SMYD3: variants seen among roughly 807,000 people sequenced by gnomAD.
SMYD3 encodes SET and MYND domain containing 3.
SMYD3 carries 36 observed loss-of-function variants against 57.7 expected under a neutral mutation model. That is an observed-to-expected ratio of 0.62 (90% CI 0.48 to 0.82). SMYD3 has a LOEUF of 0.82. Ranked by LOEUF, SMYD3 falls within the 40% of genes least tolerant of loss-of-function variation. The pLI is 0.00. For missense variants in SMYD3, 515 were observed against 538.8 expected (o/e 0.96, Z 0.44); for synonymous variants, 211 against 195.0 (o/e 1.08, Z -0.68).
chr1:246,483,735 CA>C (rs2068144615), intron 1 of SMYD3: 1 of 152,084 alleles, frequency 6.6e-6, no homozygotes, highest in African/African-American at 2.4e-5. Context: ...AAAAAATGAC[CA>C]GCAATGAGCA....
At chr1:245,855,520 A>G (rs569040942) in intron 10 of SMYD3, among the ~76,000 whole-genome samples, 5 of 152,344 alleles carry the variant, frequency 3.3e-5, no homozygotes, top group African/African-American at 1.2e-4. Context: ...TTTTAAAATT[A>G]TCTTCATTCT....
At chr1:245,843,706 C>A (rs914890938) in intron 10 of SMYD3, among the ~76,000 whole-genome samples, 1 of 152,010 alleles carries the variant, frequency 6.6e-6, no homozygotes, top group Non-Finnish European at 1.5e-5. Flanking sequence ...TGGAACCAGT[C>A]GGAGGAAGGA....
intron 5 of SMYD3, among the ~76,000 whole-genome samples, chr1:246,100,555 G>A (rs1047107720): frequency 6.6e-6 from 1 of 152,154 alleles, no homozygotes; most frequent in Admixed American, 6.5e-5. Flanking sequence ...GCTCAGGACT[G>A]GACAAACATG....
At chr1:246,357,835 C>T (rs1434443785) in intron 1 of SMYD3, among the ~76,000 whole-genome samples, 2 of 152,112 alleles carry the variant, frequency 1.3e-5, no homozygotes, top group African/African-American at 4.8e-5. Flanking sequence ...AACAAATCCT[C>T]GAAATACACC....
rs923690102 is a variant in SMYD3, at chr1:246,341,729, T to C, written c.229-6255A>G. Among the ~76,000 whole-genome samples, 3 of 152,364 alleles carry C rather than the reference T, an allele frequency of 2.0e-5. No individual in the cohort carries two copies. In the East Asian group the frequency reaches 5.8e-4, roughly 29 times the overall value. On this transcript the variant is annotated intron_variant, in intron 2 of 11. Coordinates refer to ENST00000490107, the MANE Select transcript of SMYD3 (RefSeq NM_001167740.2). ...TTCTTACGCAAAATAACATTTGCAC[T>C]ATTATCATATTTCCCTCTCCTCTTT...
At chr1:246,388,423 TC>T (rs1167180261) in intron 1 of SMYD3, among the ~76,000 whole-genome samples, 36 of 214 alleles carry the variant, frequency 0.17, no homozygotes, top group East Asian at 0.5. Context: ...GAAAATCACC[TC>T]GAGGTTGAAG....
rs767099319 is a variant in SMYD3 at position 246,017,164 on chromosome 1, C to CT, written c.532-87228dup. Among the ~76,000 whole-genome samples, 295 of 151,578 alleles carry CT rather than the reference C, an allele frequency of 1.9e-3. 2 individuals carry two copies. The highest frequency in any genetic ancestry group is 6.6e-3 in the East Asian group (34 of 5,158). On this transcript the variant is annotated intron_variant, in intron 5 of 11. Coordinates refer to ENST00000490107, the MANE Select transcript of SMYD3 (RefSeq NM_001167740.2). ...AGCACTGCCACCATTAATTTTTATT[C>CT]TTTTTTTTTATTTTGAAAGAATCTT...
chr1:245,783,798 G>A (rs1481652298), intron 10 of SMYD3, among the ~76,000 whole-genome samples: 2 of 152,112 alleles, frequency 1.3e-5, no homozygotes, highest in Non-Finnish European at 2.9e-5. Context: ...AATTACTTAG[G>A]TATGAATGTA....
chr1:246,474,024 C>A (rs1355724122), intron 1 of SMYD3, among the ~76,000 whole-genome samples: 2 of 152,118 alleles, frequency 1.3e-5, no homozygotes, highest in Admixed American at 6.5e-5. Context: ...TAATACCTAC[C>A]AAAAGTTATT....
rs1239748228 is a variant in SMYD3, at chr1:245,807,395, C to T, written c.1077-43246G>A. Reference sequence around the variant, plus strand: ...AGGAAGAAGAAGAGAGAAAAAGAAACATTTGGCCAAGGCCAGAAAGGGTCC... The same window carrying T: ...AGGAAGAAGAAGAGAGAAAAAGAAATATTTGGCCAAGGCCAGAAAGGGTCC... On this transcript the variant is annotated intron_variant, in intron 10 of 11. Coordinates refer to ENST00000490107, the MANE Select transcript of SMYD3 (RefSeq NM_001167740.2). 4.8e-4 allele frequency among the ~76,000 whole-genome samples: 73 copies of T among 151,994 alleles called. 1 individual carries two copies. The highest frequency in any genetic ancestry group is 4.7e-3 in the Admixed American group (71 of 15,260).
chr1:246,002,156 G>C (rs965253961), intron 5 of SMYD3, among the ~76,000 whole-genome samples: 1 of 151,926 alleles, frequency 6.6e-6, no homozygotes, highest in Non-Finnish European at 1.5e-5. Context: ...AGGAGACTCC[G>C]GTCTGACGGG....
chr1:245,788,293 G>C (rs1327136379), intron 10 of SMYD3, among the ~76,000 whole-genome samples: 1 of 152,172 alleles, frequency 6.6e-6, no homozygotes, highest in Non-Finnish European at 1.5e-5. Context: ...TTAGCACAGG[G>C]AACAGGGCGA....
chr1:246,491,515 C>T lies in SMYD3; in HGVS notation c.164+15539G>A, dbSNP rs529569046. Among the ~76,000 whole-genome samples, 46 of 148,934 alleles carry T rather than the reference C, an allele frequency of 3.1e-4. 1 individual carries two copies. The highest frequency in any genetic ancestry group is 1.7e-3 in the South Asian group (8 of 4,716). The stretch of plus-strand genomic sequence containing the variant: ...AGATCGCACCATTGCACTCCAGCCT[C>T]GGCAACAAGAGCGAAACTTCGTCTC... On this transcript the variant is annotated intron_variant, in intron 1 of 11. Coordinates refer to ENST00000490107, the MANE Select transcript of SMYD3 (RefSeq NM_001167740.2).
intron 8 of SMYD3, among the ~76,000 whole-genome samples, chr1:245,905,050 C>T (rs112138104): frequency 3.2e-3 from 486 of 151,986 alleles, no homozygotes; most frequent in Non-Finnish European, 5.8e-3. Context: ...CATTCATCAC[C>T]TACTAACTGA....
chr1:246,006,841 C>T (rs2059181531), intron 5 of SMYD3, among the ~76,000 whole-genome samples: 1 of 152,090 alleles, frequency 6.6e-6, no homozygotes, highest in Non-Finnish European at 1.5e-5. Flanking sequence ...ATTGAAGACT[C>T]CATAACAAAC....
chr1:245,999,707 C>T (rs1228905531), intron 5 of SMYD3, among the ~76,000 whole-genome samples: 2 of 152,184 alleles, frequency 1.3e-5, no homozygotes, highest in African/African-American at 4.8e-5. Flanking sequence ...ATGAAACCAA[C>T]ATACTGCATT....
chr1:246,260,423 T>TTTG (rs537178840), intron 5 of SMYD3, among the ~76,000 whole-genome samples: 60 of 148,776 alleles, frequency 4.0e-4, no homozygotes, highest in South Asian at 1.7e-3. Flanking sequence ...CCATTTTCCT[T>TTTG]TTGTTGTTGT....
chr1:245,858,820 G>T, intron 9 of SMYD3, 150 bp from the exon 10 acceptor site: 1 of 752,458 alleles, frequency 1.3e-6, no homozygotes, highest in Non-Finnish European at 2.1e-6. Flanking sequence ...AAACACACTT[G>T]AGAAGCAAAA....
At chr1:245,822,806 A>G (rs2049249118) in intron 10 of SMYD3, among the ~76,000 whole-genome samples, 1 of 152,196 alleles carries the variant, frequency 6.6e-6, no homozygotes, top group Admixed American at 6.5e-5. Context: ...TCCGTGATCA[A>G]AAGACATTTT....
Sources: gnomAD v4.1 joint callset for allele counts (sites outside exome capture counted in the v4.1 genomes callset) on GRCh38, gnomAD v4.1.1 for gene constraint, MANE v1.5 for transcripts, NCBI Gene and HGNC (gene_info 2026-07-23, HGNC 2026-07-21) for gene names.